The following RNF141 variants were observed in gnomAD, a reference collection of about 807,000 sequenced individuals.
RNF141 encodes ring finger protein 141, also known as C3HC4-like zinc finger protein.
A neutral mutation model predicts 27.4 loss-of-function variants in RNF141; 18 were observed. That is an observed-to-expected ratio of 0.66 (90% CI 0.45 to 0.97). The LOEUF (loss-of-function observed/expected upper bound fraction) is 0.97, where lower values mean the gene tolerates loss of function less well. Among genes scored for constraint, RNF141 ranks in the 50% least tolerant of loss-of-function variants. RNF141 has a pLI of 0.00. For missense variants in RNF141, 230 were observed against 279.4 expected, an observed-to-expected ratio of 0.82 and a Z score of 1.26; for synonymous variants, 97 against 96.6, an observed-to-expected ratio of 1.00 and a Z score of -0.02.
chr11:10,523,800 A>G (rs1470749666), intron 4 of RNF141, among the ~76,000 whole-genome samples: 1 of 152,240 alleles, frequency 6.6e-6, no homozygotes, highest in African/African-American at 2.4e-5. Flanking sequence ...TACATTGGCA[A>G]ACACCATCCT....
At position 10,530,658 on chromosome 11, in the gene RNF141, C is replaced by T. The variant is rs754126468; in HGVS notation, c.237G>A (p.Arg79=). Residue 79 remains arginine, a synonymous_variant, in exon 3 of 6, where the codon CGG becomes CGA. Transcript: ENST00000265981. ...TCAGTCTCACCTTGGTACAGACCAC[C>T]CGTACAACCACTTTCCAAAAAGCAG... The part of the protein sequence containing the change: ...DSSAFWKVVV[R]VVCTKINKSS... The T allele has an allele frequency of 2.5e-6, 4 of 1,607,228 alleles. No homozygotes were observed. The highest frequency in any genetic ancestry group is 2.2e-5 in the South Asian group (2 of 90,440).
intron 4 of RNF141, among the ~76,000 whole-genome samples, chr11:10,524,960 A>T (rs893826303): frequency 6.6e-6 from 1 of 152,170 alleles, no homozygotes; most frequent in African/African-American, 2.4e-5. Context: ...ATTCCTGGAG[A>T]CCAGTGTGAC....
At chr11:10,523,772 G>A (rs1849908356) in intron 4 of RNF141, among the ~76,000 whole-genome samples, 1 of 152,132 alleles carries the variant, frequency 6.6e-6, no homozygotes, top group Non-Finnish European at 1.5e-5. Flanking sequence ...CTTTTCATGT[G>A]CTACCATACA....
chr11:10,532,476 G>A (rs557350894), intron 2 of RNF141, among the ~76,000 whole-genome samples: 1 of 145,946 alleles, frequency 6.9e-6, no homozygotes, highest in Non-Finnish European at 1.5e-5. Flanking sequence ...CAAGCACTGG[G>A]AATAGTTTAG....
intron 3 of RNF141, 32 bp downstream of exon 3, chr11:10,530,611 A>G (rs780667522): frequency 2.4e-6 from 3 of 1,254,556 alleles, no homozygotes; most frequent in African/African-American, 1.5e-5. Context: ...AAATAGCTTA[A>G]GCTCAGAGGT....
intron 2 of RNF141, among the ~76,000 whole-genome samples, chr11:10,532,767 G>C (rs1251690471): frequency 6.6e-6 from 1 of 152,158 alleles, no homozygotes; most frequent in Non-Finnish European, 1.5e-5. Flanking sequence ...TGCCTACGGA[G>C]TGGGTTCATA....
intron 4 of RNF141, among the ~76,000 whole-genome samples, chr11:10,521,405 G>A (rs986319954): frequency 2.6e-5 from 4 of 152,034 alleles, no homozygotes; most frequent in Non-Finnish European, 5.9e-5. Flanking sequence ...TTTAACCTTT[G>A]TGCTTTTTTG....
chr11:10,532,257 C>G (rs1258952194), intron 2 of RNF141, among the ~76,000 whole-genome samples: 1 of 152,026 alleles, frequency 6.6e-6, no homozygotes, highest in African/African-American at 2.4e-5. Context: ...TTACTAAATT[C>G]AGAATCCTAT....
intron 5 of RNF141, chr11:10,516,869 T>G (rs570704569): frequency 6.6e-6 from 1 of 152,160 alleles, no homozygotes; most frequent in Non-Finnish European, 1.5e-5. Context: ...AGAATCAAAC[T>G]GTTTCCAAGT....
chr11:10,526,226 A>G (rs1489047096), intron 3 of RNF141, among the ~76,000 whole-genome samples: 1 of 152,240 alleles, frequency 6.6e-6, no homozygotes, highest in African/African-American at 2.4e-5. Context: ...TTAAGTGCAT[A>G]TCAGAGTAAG....
intron 4 of RNF141, 32 bp from the exon 5 acceptor site, chr11:10,519,173 T>G (rs1367505837): frequency 1.9e-6 from 3 of 1,563,556 alleles, no homozygotes; most frequent in Non-Finnish European, 2.6e-6. Flanking sequence ...GAAACAATTA[T>G]ATTCTCTGTC....
intron 3 of RNF141, among the ~76,000 whole-genome samples, chr11:10,525,668 A>C (rs1259186570): frequency 6.6e-6 from 1 of 152,192 alleles, no homozygotes; most frequent in East Asian, 1.9e-4. Flanking sequence ...TTAAGAAATA[A>C]ATTTTAGAGA....
chr11:10,521,033 T>C (rs976635673), intron 4 of RNF141, among the ~76,000 whole-genome samples: 1 of 152,220 alleles, frequency 6.6e-6, no homozygotes, highest in Non-Finnish European at 1.5e-5. Context: ...CTGTGAGAGA[T>C]ACAAAGGGAA....
At chr11:10,521,849 A>T (rs1228806549) in intron 4 of RNF141, among the ~76,000 whole-genome samples, 1 of 152,230 alleles carries the variant, frequency 6.6e-6, no homozygotes, top group Non-Finnish European at 1.5e-5. Context: ...CTGAGGAAAA[A>T]GATTGATTAG....
At chr11:10,517,085 T>G (rs893053689) in intron 5 of RNF141, 1 of 151,310 alleles carries the variant, frequency 6.6e-6, no homozygotes, top group African/African-American at 2.4e-5. Context: ...AACACAGATA[T>G]TAGAATTAGC....
At position 10,512,397 on chromosome 11, in the gene RNF141, T is replaced by C. The variant is rs981937462; in HGVS notation, c.*2519A>G. The C allele has an allele frequency of 6.6e-6, 1 of 152,608 alleles. No homozygotes were observed. The highest frequency in any genetic ancestry group is 1.5e-5 in the Non-Finnish European group (1 of 68,026). The allele number at this position is 152,608 out of a possible 1,614,324, so 9.5% of individuals were successfully genotyped here. On this transcript the variant is annotated 3_prime_UTR_variant, in exon 6 of 6. Transcript: ENST00000265981. ...GGCTAATAACATTTTATATTCACAGTAGATCAGTAAGTGTCTTGGAGCTCA... is the reference window on the plus strand; with the variant it reads ...GGCTAATAACATTTTATATTCACAGCAGATCAGTAAGTGTCTTGGAGCTCA...
intron 4 of RNF141, among the ~76,000 whole-genome samples, chr11:10,522,706 A>G (rs1210012060): frequency 2.0e-5 from 3 of 152,262 alleles, no homozygotes; most frequent in Non-Finnish European, 4.4e-5. Flanking sequence ...CAGAGGGCAC[A>G]GCCATTGAAA....
At chr11:10,535,366 A>AT (rs1850024930) in intron 1 of RNF141, among the ~76,000 whole-genome samples, 1 of 151,004 alleles carries the variant, frequency 6.6e-6, no homozygotes. Flanking sequence ...TTAAAAAAAA[A>AT]ACAAAAAACA....
At position 10,512,000 on chromosome 11, in the gene RNF141, T is replaced by C. The variant is rs142553303; in HGVS notation, c.*2916A>G. Reference sequence around the variant, plus strand: ...ACTAAGAATAACACAGATCCTATTATTCTCAACCTCTAAATTCAGTACATA... The same window carrying C: ...ACTAAGAATAACACAGATCCTATTACTCTCAACCTCTAAATTCAGTACATA... On this transcript the variant is annotated 3_prime_UTR_variant, in exon 6 of 6. Transcript: ENST00000265981. 6 of 152,782 alleles carry C rather than the reference T, an allele frequency of 3.9e-5. No individual in the cohort carries two copies. The highest frequency in any genetic ancestry group is 8.8e-5 in the Non-Finnish European group (6 of 68,034). The allele number at this position is 152,782 out of a possible 1,614,324, so 9.5% of individuals were successfully genotyped here. A position where few individuals can be genotyped will look rare whatever the true frequency, so the allele number is the denominator to read the frequency against.
Sources: allele counts gnomAD v4.1 joint callset (sites outside exome capture counted in the v4.1 genomes callset), GRCh38; gene constraint gnomAD v4.1.1; transcripts MANE v1.5; gene names NCBI Gene and HGNC (gene_info 2026-07-23, HGNC 2026-07-21).